The following QPCT variants were observed in gnomAD, a reference collection of about 807,000 sequenced individuals.
The protein encoded by QPCT is EC.
Under a neutral mutation model 43.4 loss-of-function variants are expected in QPCT, and 44 were observed. The observed-to-expected ratio is 1.01, with a 90% confidence interval of 0.80 to 1.30. The LOEUF (loss-of-function observed/expected upper bound fraction) is 1.30, where lower values mean the gene tolerates loss of function less well. Ranked by LOEUF, QPCT falls within the 50% of genes most tolerant of loss-of-function variation. The pLI is 0.00. For synonymous variants in QPCT, 168 were observed against 168.4 expected (o/e 1.00, Z 0.02); for missense variants, 526 against 436.5 (o/e 1.21, Z -1.83).
At chr2:37,361,385 C>G (rs143616299) in intron 3 of QPCT, among the ~76,000 whole-genome samples, 10 of 152,318 alleles carry the variant, frequency 6.6e-5, no homozygotes, top group African/African-American at 2.2e-4. Context: ...ACATCCACAT[C>G]CTTTGCCTGG....
chr2:37,362,625 G>A (rs980587775), intron 3 of QPCT, among the ~76,000 whole-genome samples: 1 of 152,210 alleles, frequency 6.6e-6, no homozygotes, highest in Admixed American at 6.5e-5. Context: ...AGAAAGTAGA[G>A]AACATCTGTG....
intron 6 of QPCT, 24 bp downstream of exon 6, chr2:37,372,496 TTGTGTG>T: frequency 6.8e-7 from 1 of 1,461,112 alleles, no homozygotes; most frequent in Non-Finnish European, 9.6e-7. Context: ...GTGTGTGTGT[TTGTGTG>T]TGTGTGCGTG....
intron 1 of QPCT, among the ~76,000 whole-genome samples, chr2:37,347,228 TA>T (rs1258129184): frequency 5.0e-5 from 2 of 39,638 alleles, no homozygotes; most frequent in Non-Finnish European, 1.0e-4. Flanking sequence ...CATATATATA[TA>T]ACATATATAT....
rs755684597 is a variant in QPCT at position 37,344,812 on chromosome 2, G to T, written c.81G>T (p.Arg27Ser). The T allele has an allele frequency of 6.2e-7, 1 of 1,608,698 alleles. No individual in the cohort carries two copies. The highest frequency in any genetic ancestry group is 1.1e-5 in the South Asian group (1 of 90,708). The change falls in exon 1 of 7, where the codon AGG (arginine) becomes AGT (serine). Residue 27 changes from arginine to serine, a missense_variant. Coordinates refer to ENST00000338415, the MANE Select transcript of QPCT (RefSeq NM_012413.4). ...LLVAALPWAS[R>S]GVSPSASAWP... ...TGGCCGCCCTGCCCTGGGCATCCAG[G>T]GGGGTCAGTCCGAGTGCCTCAGCCT... is the stretch of plus-strand genomic sequence containing the variant.
At chr2:37,347,181 C>CATATATATAACAT (rs1672515171) in intron 1 of QPCT, among the ~76,000 whole-genome samples, 2 of 36,790 alleles carry the variant, frequency 5.4e-5, no homozygotes, top group Admixed American at 4.7e-4. Flanking sequence ...ATATATATAA[C>CATATATATAACAT]ATATATATAT....
At chr2:37,345,834 T>G (rs1409086842) in intron 1 of QPCT, among the ~76,000 whole-genome samples, 1 of 73,690 alleles carries the variant, frequency 1.4e-5, no homozygotes, top group Non-Finnish European at 2.9e-5. Context: ...AGACTCCGTC[T>G]CAAAAAAAAA....
intron 3 of QPCT, among the ~76,000 whole-genome samples, chr2:37,363,442 G>C (rs1165623747): frequency 7.0e-6 from 1 of 142,066 alleles, no homozygotes; most frequent in Non-Finnish European, 1.5e-5. Context: ...GGGCAACATA[G>C]TGAGGCTCCC....
intron 3 of QPCT, among the ~76,000 whole-genome samples, chr2:37,362,704 A>C (rs1672876588): frequency 2.6e-5 from 4 of 152,306 alleles, no homozygotes. Flanking sequence ...GAGTGGAGAG[A>C]AGTCACACTG....
At chr2:37,367,084 GT>G in intron 3 of QPCT, 147 bp from the exon 4 acceptor site, 1 of 776,596 alleles carries the variant, frequency 1.3e-6, no homozygotes. Context: ...AGGAAGTGGT[GT>G]GGAATAAATT....
chr2:37,352,519 A>G (rs1199371561), intron 1 of QPCT, among the ~76,000 whole-genome samples: 3 of 152,006 alleles, frequency 2.0e-5, no homozygotes, highest in African/African-American at 7.3e-5. Flanking sequence ...TTTTGTAGAG[A>G]TAAGGTCTCA....
chr2:37,348,063 CGT>C (rs10598967), intron 1 of QPCT, among the ~76,000 whole-genome samples: 71,432 of 148,054 alleles, frequency 0.48, 18,010 homozygotes, highest in East Asian at 0.89. Context: ...CGCGCGCACG[CGT>C]GTGTGTGTGT....
At chr2:37,359,911 C>G in intron 3 of QPCT, 53 bp downstream of exon 3, 1 of 1,546,274 alleles carries the variant, frequency 6.5e-7, no homozygotes, top group Non-Finnish European at 8.9e-7. Flanking sequence ...AACAGTAACT[C>G]AGAGTGAATT....
At chr2:37,345,233 G>T (rs1292421891) in intron 1 of QPCT, among the ~76,000 whole-genome samples, 1 of 151,838 alleles carries the variant, frequency 6.6e-6, no homozygotes, top group Non-Finnish European at 1.5e-5. Flanking sequence ...GGCGCTCCGG[G>T]GCCGCTAGGG....
chr2:37,349,493 G>C (rs867454203), intron 1 of QPCT, among the ~76,000 whole-genome samples: 1 of 152,158 alleles, frequency 6.6e-6, no homozygotes, highest in Non-Finnish European at 1.5e-5. Context: ...CTAGAAACCA[G>C]CCATTTAAAC....
At chr2:37,362,679 G>T (rs549178763) in intron 3 of QPCT, among the ~76,000 whole-genome samples, 2 of 152,302 alleles carry the variant, frequency 1.3e-5, no homozygotes, top group East Asian at 3.9e-4. Context: ...TGGAGAAATG[G>T]CAGATGACAT....
chr2:37,348,906 G>A (rs369514571), intron 1 of QPCT, among the ~76,000 whole-genome samples: 22 of 152,280 alleles, frequency 1.4e-4, no homozygotes, highest in African/African-American at 5.3e-4. Context: ...CTTTGTTTTT[G>A]CCTGAGTTAC....
At chr2:37,359,470 G>C (rs995388620) in intron 2 of QPCT, 110 bp from the exon 3 acceptor site, 1 of 949,904 alleles carries the variant, frequency 1.1e-6, no homozygotes, top group East Asian at 2.6e-5. Flanking sequence ...TTCATTAAGT[G>C]TGTATTCCAA....
intron 3 of QPCT, among the ~76,000 whole-genome samples, chr2:37,364,355 A>G (rs1672913587): frequency 6.6e-6 from 1 of 152,120 alleles, no homozygotes; most frequent in African/African-American, 2.4e-5. Flanking sequence ...GAGCCCCAAG[A>G]TAACAAACAG....
chr2:37,354,519 T>C (rs1375522917), intron 2 of QPCT, among the ~76,000 whole-genome samples: 2 of 152,214 alleles, frequency 1.3e-5, no homozygotes, highest in Non-Finnish European at 2.9e-5. Context: ...ATTAACTTGC[T>C]CAAGGTTATA....
Sources: gnomAD v4.1 joint callset for allele counts (sites outside exome capture counted in the v4.1 genomes callset) on GRCh38, gnomAD v4.1.1 for gene constraint, MANE v1.5 for transcripts, NCBI Gene and HGNC (gene_info 2026-07-23, HGNC 2026-07-21) for gene names.